Variants in FGF10 observed in about 807,000 individuals in gnomAD.
FGF10 encodes the protein fibroblast growth factor 10, also known as FGF-10.
Under a neutral mutation model 19.8 loss-of-function variants are expected in FGF10, and 2 were observed. That is an observed-to-expected ratio of 0.10 (90% CI 0.04 to 0.32). FGF10 has a LOEUF of 0.32. Among genes scored for constraint, FGF10 ranks in the 10% least tolerant of loss-of-function variants. The pLI, the probability that FGF10 is intolerant of heterozygous loss-of-function variation, is 1.00. For missense variants in FGF10, 191 were observed against 246.3 expected, an observed-to-expected ratio of 0.78 and a Z score of 1.50; for synonymous variants, 112 against 94.0, an observed-to-expected ratio of 1.19 and a Z score of -1.10.
At chr5:44,331,220 T>G (rs899506660) in intron 1 of FGF10, among the ~76,000 whole-genome samples, 1 of 152,250 alleles carries the variant, frequency 6.6e-6, no homozygotes, top group Non-Finnish European at 1.5e-5. Context: ...TGCTTAAAAT[T>G]TTTGTGCACT....
chr5:44,385,719 G>A (rs572822169), intron 1 of FGF10, among the ~76,000 whole-genome samples: 1 of 152,124 alleles, frequency 6.6e-6, no homozygotes, highest in Non-Finnish European at 1.5e-5. Flanking sequence ...TGGACAGCTG[G>A]CTGGCTACCC....
intron 1 of FGF10, among the ~76,000 whole-genome samples, chr5:44,367,369 A>G (rs1741642105): frequency 6.6e-6 from 1 of 152,046 alleles, no homozygotes; most frequent in Non-Finnish European, 1.5e-5. Context: ...AGAATACTCT[A>G]TGGAAGTTTC....
chr5:44,317,744 C>T (rs1740382755), intron 1 of FGF10, among the ~76,000 whole-genome samples: 1 of 151,858 alleles, frequency 6.6e-6, no homozygotes, highest in Admixed American at 6.6e-5. Context: ...TAATTTTTTC[C>T]TCACTGGTAG....
chr5:44,307,895 T>C (rs1740118987), intron 2 of FGF10, among the ~76,000 whole-genome samples: 1 of 152,234 alleles, frequency 6.6e-6, no homozygotes, highest in Admixed American at 6.5e-5. Context: ...AATGAGTTTC[T>C]TTCTGAGACA....
In FGF10 at chr5:44,388,627, CA is replaced by C; in HGVS notation, c.55del (p.Cys19AlafsTer95). The C allele has an allele frequency of 1.2e-6, 2 of 1,614,076 alleles. No individual in the cohort carries two copies. Among genetic ancestry groups the C allele is most frequent in the Non-Finnish European group, 1.7e-6 (2 of 1,180,018 alleles). On this transcript the variant is annotated frameshift_variant, in exon 1 of 3. Transcript: ENST00000264664. LOFTEE classifies it high-confidence loss of function. ...CAGCAACAAAAAGCAGCAGCAGCAGCAGCCGGGCAGGTGGGGAAAGGCTGAG... is the reference window on the plus strand; with the variant it reads ...CAGCAACAAAAAGCAGCAGCAGCAGCGCCGGGCAGGTGGGGAAAGGCTGAG... ...CASAFPHLPG[C>X]CCCCFLLLFL... is the part of the protein sequence containing the mutation.
intron 1 of FGF10, among the ~76,000 whole-genome samples, chr5:44,379,116 C>G: frequency 6.6e-6 from 1 of 152,122 alleles, no homozygotes; most frequent in Non-Finnish European, 1.5e-5. Context: ...CAAAAGGCTT[C>G]TCTAGCAGTG....
At chr5:44,370,250 G>C (rs1741713881) in intron 1 of FGF10, among the ~76,000 whole-genome samples, 1 of 152,100 alleles carries the variant, frequency 6.6e-6, no homozygotes, top group African/African-American at 2.4e-5. Context: ...AGAGAAATAG[G>C]TAGGGTATGG....
At chr5:44,337,111 GTTTCACC>G (rs1740871184) in intron 1 of FGF10, among the ~76,000 whole-genome samples, 1 of 150,564 alleles carries the variant, frequency 6.6e-6, no homozygotes, top group African/African-American at 2.4e-5. Flanking sequence ...ACATCTAGTG[GTTTCACC>G]TGTGAATGTT....
At chr5:44,378,683 G>A (rs893669428) in intron 1 of FGF10, among the ~76,000 whole-genome samples, 1 of 152,070 alleles carries the variant, frequency 6.6e-6, no homozygotes, top group South Asian at 2.1e-4. Flanking sequence ...TGCCCTCCTC[G>A]GCCTCCAAAA....
chr5:44,360,083 C>T, intron 1 of FGF10, among the ~76,000 whole-genome samples: 1 of 151,372 alleles, frequency 6.6e-6, no homozygotes, highest in East Asian at 2.0e-4. Flanking sequence ...TTGCATTGAC[C>T]AGTATTCATT....
intron 1 of FGF10, among the ~76,000 whole-genome samples, chr5:44,341,700 G>A (rs563264462): frequency 1.1e-4 from 17 of 152,020 alleles, no homozygotes; most frequent in African/African-American, 2.6e-4. Flanking sequence ...ACTGCTATAG[G>A]ACCTAAATGT....
chr5:44,375,666 GT>G (rs1403400605), intron 1 of FGF10, among the ~76,000 whole-genome samples: 4 of 152,158 alleles, frequency 2.6e-5, no homozygotes, highest in African/African-American at 9.7e-5. Flanking sequence ...ACTAGCTTGT[GT>G]GGATTTGTGC....
intron 2 of FGF10, among the ~76,000 whole-genome samples, chr5:44,305,865 G>A (rs1740064602): frequency 6.6e-6 from 1 of 152,150 alleles, no homozygotes; most frequent in African/African-American, 2.4e-5. Context: ...CTCGTTTTGT[G>A]AACTACTATG....
intron 1 of FGF10, among the ~76,000 whole-genome samples, chr5:44,315,428 TC>T (rs1280816586): frequency 1.3e-5 from 2 of 151,920 alleles, no homozygotes; most frequent in Non-Finnish European, 1.5e-5. Flanking sequence ...GCCACATTTC[TC>T]CCCACCTCCC....
chr5:44,326,095 C>T (rs1035919225), intron 1 of FGF10, among the ~76,000 whole-genome samples: 1 of 151,910 alleles, frequency 6.6e-6, no homozygotes, highest in Admixed American at 6.6e-5. Flanking sequence ...AATAGACATG[C>T]CCTTAAAAAG....
In FGF10 at chr5:44,304,693, GTT is replaced by G. The variant is rs777225280; in HGVS notation, c.*300_*301del. 1 of 371,418 alleles carries G rather than the reference GTT, an allele frequency of 2.7e-6. No individual in the cohort carries two copies. The highest frequency in any genetic ancestry group is 5.0e-6 in the Non-Finnish European group (1 of 198,198). The allele number at this position is 371,418 out of a possible 1,614,324, so 23.0% of individuals were successfully genotyped here. A position where few individuals can be genotyped will look rare whatever the true frequency, so the allele number is the denominator to read the frequency against. On this transcript the variant is annotated 3_prime_UTR_variant, in exon 3 of 3. Coordinates refer to ENST00000264664, the MANE Select transcript of FGF10 (RefSeq NM_004465.2). Reference sequence around the variant, plus strand: ...ATGTCCTTTAAGTTCTATCTCAGAGGTTTAAAAACAAAAACTTGACAACAACA... The same window carrying G: ...ATGTCCTTTAAGTTCTATCTCAGAGGTAAAAACAAAAACTTGACAACAACA...
intron 1 of FGF10, among the ~76,000 whole-genome samples, chr5:44,377,767 T>G (rs1047080471): frequency 2.0e-5 from 3 of 152,256 alleles, no homozygotes; most frequent in Non-Finnish European, 4.4e-5. Flanking sequence ...TAATGTGATA[T>G]CTTGGGGATG....
chr5:44,349,451 T>TATATATATATATATCAGA (rs1741178549), intron 1 of FGF10, among the ~76,000 whole-genome samples: 25 of 16,698 alleles, frequency 1.5e-3, no homozygotes, highest in Non-Finnish European at 2.7e-3. Context: ...TATATATATA[T>TATATATATATATATCAGA]ATATATATAT....
chr5:44,339,058 A>G (rs1740911920), intron 1 of FGF10, among the ~76,000 whole-genome samples: 1 of 152,176 alleles, frequency 6.6e-6, no homozygotes, highest in East Asian at 1.9e-4. Flanking sequence ...TCCTTTTACT[A>G]TTTTTTCTAA....
Sources: allele counts gnomAD v4.1 joint callset (sites outside exome capture counted in the v4.1 genomes callset), GRCh38; gene constraint gnomAD v4.1.1; transcripts MANE v1.5; gene names NCBI Gene and HGNC (gene_info 2026-07-23, HGNC 2026-07-21).